Variants in COL24A1 observed in about 807,000 individuals in gnomAD.
COL24A1 encodes collagen type XXIV alpha 1 chain, also known as collagen alpha-1(XXIV) chain.
In COL24A1, 224 loss-of-function variants were observed where a neutral mutation model predicts 253.9. The ratio of observed to expected loss-of-function variants is 0.88; its 90% CI spans 0.79 to 0.99. The LOEUF (loss-of-function observed/expected upper bound fraction) is 0.99, where lower values mean the gene tolerates loss of function less well. COL24A1 is among the 50% of genes least tolerant of loss of function. COL24A1 has a pLI of 0.00. For synonymous variants in COL24A1, 685 were observed against 673.7 expected (o/e 1.02, Z -0.26); for missense variants, 2,131 against 2,068.5 (o/e 1.03, Z -0.59).
intron 35 of COL24A1, among the ~76,000 whole-genome samples, chr1:85,872,710 T>C (rs1170904163): frequency 6.6e-6 from 1 of 152,174 alleles, no homozygotes; most frequent in African/African-American, 2.4e-5. Context: ...AAGACTTAAA[T>C]GTTACACTTA....
intron 18 of COL24A1, among the ~76,000 whole-genome samples, chr1:86,019,567 T>G (rs1697307230): frequency 6.6e-6 from 1 of 151,974 alleles, no homozygotes; most frequent in Admixed American, 6.6e-5. Context: ...CTAAAAATTT[T>G]TTTTTTAATT....
intron 37 of COL24A1, among the ~76,000 whole-genome samples, chr1:85,852,115 C>T (rs12033218): frequency 0.12 from 18,324 of 151,738 alleles, 1,391 homozygotes; most frequent in East Asian, 0.24. Flanking sequence ...TGTGTGTGCG[C>T]GCACGTGCGC....
intron 2 of COL24A1, among the ~76,000 whole-genome samples, chr1:86,135,948 G>A (rs1469958996): frequency 3.3e-5 from 5 of 152,066 alleles, no homozygotes; most frequent in Admixed American, 1.3e-4. Context: ...CAGAAGAAGA[G>A]GATGGGCTGT....
chr1:86,073,389 T>G (rs1480129861), intron 7 of COL24A1, among the ~76,000 whole-genome samples: 1 of 151,938 alleles, frequency 6.6e-6, no homozygotes, highest in Non-Finnish European at 1.5e-5. Context: ...GAAGATCAGT[T>G]TAATGAAATA....
intron 37 of COL24A1, among the ~76,000 whole-genome samples, chr1:85,860,569 A>G (rs1427261907): frequency 1.3e-5 from 2 of 152,174 alleles, no homozygotes; most frequent in Non-Finnish European, 2.9e-5. Context: ...GTGAAATCCC[A>G]TCTCTACTAA....
intron 2 of COL24A1, among the ~76,000 whole-genome samples, chr1:86,133,956 C>T (rs1294081527): frequency 6.8e-5 from 10 of 146,178 alleles, no homozygotes; most frequent in East Asian, 2.0e-4. Context: ...TGGTAGAATT[C>T]GGCTGTGAAT....
At chr1:85,940,601 T>C (rs960701046) in intron 24 of COL24A1, among the ~76,000 whole-genome samples, 1 of 152,140 alleles carries the variant, frequency 6.6e-6, no homozygotes, top group African/African-American at 2.4e-5. Flanking sequence ...GATTAGACAA[T>C]AGTCTACTTT....
At chr1:85,761,275 A>C (rs1042629109) in intron 55 of COL24A1, 121 bp downstream of exon 55, 2 of 1,116,038 alleles carry the variant, frequency 1.8e-6, no homozygotes, top group Non-Finnish European at 2.6e-6. Context: ...TCAGGTTAGC[A>C]AAAAAGAACA....
chr1:85,859,519 T>C (rs1678892059), intron 37 of COL24A1, among the ~76,000 whole-genome samples: 1 of 152,210 alleles, frequency 6.6e-6, no homozygotes, highest in African/African-American at 2.4e-5. Context: ...TTCTATATTG[T>C]ATTTTCTTGT....
Position 86,156,383 on chromosome 1 carries a change from G to A in COL24A1, c.14C>T (p.Ala5Val). Reference protein sequence around the residue: MHLRAHRTRRGKVSP... With the variant: MHLRVHRTRRGKVSP... ...GACTTTTCCACGCCTTGTTCTGTGG[G>A]CTCTTAAATGCATTTGTATGCATTT... The change falls in exon 1 of 60, where the codon GCC becomes GTC. Residue 5 changes from alanine (A) to valine (V), a missense_variant. Ala to Val is a moderately conservative substitution (Grantham distance 64, BLOSUM62 0). Coordinates refer to ENST00000370571, the MANE Select transcript of COL24A1 (RefSeq NM_152890.7). 1 of 1,612,370 alleles carries A rather than the reference G, an allele frequency of 6.2e-7. No individual in the cohort carries two copies. Among genetic ancestry groups the A allele is most frequent in the Non-Finnish European group, 8.5e-7 (1 of 1,179,316 alleles).
At chr1:85,766,247 G>GTA (rs760738866) in intron 53 of COL24A1, among the ~76,000 whole-genome samples, 13 of 151,308 alleles carry the variant, frequency 8.6e-5, no homozygotes, top group Non-Finnish European at 4.4e-5. Flanking sequence ...CTGGATGCCT[G>GTA]TAATCCCAGC....
intron 14 of COL24A1, among the ~76,000 whole-genome samples, chr1:86,024,236 C>T (rs1297365182): frequency 6.6e-6 from 1 of 152,152 alleles, no homozygotes; most frequent in Non-Finnish European, 1.5e-5. Flanking sequence ...TACTAGAATG[C>T]ACTTCTACTA....
chr1:85,994,982 T>C (rs571567431), intron 19 of COL24A1, among the ~76,000 whole-genome samples: 11 of 152,310 alleles, frequency 7.2e-5, no homozygotes, highest in African/African-American at 2.4e-4. Context: ...ATATTTTCCC[T>C]TCTGTAATTC....
intron 2 of COL24A1, among the ~76,000 whole-genome samples, chr1:86,136,081 C>T (rs1020099896): frequency 2.0e-4 from 30 of 152,064 alleles, no homozygotes; most frequent in Admixed American, 1.3e-3. Context: ...GCAGCCAGCT[C>T]TATATACAAC....
chr1:85,772,966 T>C (rs759315407), intron 53 of COL24A1, among the ~76,000 whole-genome samples: 41 of 152,196 alleles, frequency 2.7e-4, no homozygotes, highest in Non-Finnish European at 4.7e-4. Context: ...CTGAATGGTA[T>C]TGCCCAGGTT....
At chr1:86,074,383 G>A (rs1702096736) in intron 7 of COL24A1, among the ~76,000 whole-genome samples, 1 of 152,040 alleles carries the variant, frequency 6.6e-6, no homozygotes, top group South Asian at 2.1e-4. Context: ...AATGGTAAAG[G>A]GATCAATGCA....
At chr1:85,916,296 A>C (rs2102972127) in intron 24 of COL24A1, among the ~76,000 whole-genome samples, 1 of 152,232 alleles carries the variant, frequency 6.6e-6, no homozygotes, top group Non-Finnish European at 1.5e-5. Flanking sequence ...TGGTCCCAAT[A>C]GGGCATCTGA....
At chr1:85,747,562 GA>G (rs1365015742) in intron 55 of COL24A1, among the ~76,000 whole-genome samples, 1 of 151,950 alleles carries the variant, frequency 6.6e-6, no homozygotes, top group African/African-American at 2.4e-5. Context: ...AAAAATTAAT[GA>G]GAAGGGTCAC....
chr1:85,733,343 A>G (rs1474187664), intron 59 of COL24A1, among the ~76,000 whole-genome samples: 1 of 152,154 alleles, frequency 6.6e-6, no homozygotes, highest in Non-Finnish European at 1.5e-5. Flanking sequence ...GCCAGATAGT[A>G]AGTATTTTAC....
Sources: allele counts gnomAD v4.1 joint callset (sites outside exome capture counted in the v4.1 genomes callset), GRCh38; gene constraint gnomAD v4.1.1; transcripts MANE v1.5; gene names NCBI Gene and HGNC (gene_info 2026-07-23, HGNC 2026-07-21).